The following ADCY2 variants were observed in gnomAD, a reference collection of about 807,000 sequenced individuals.
The protein encoded by ADCY2 is adenylate cyclase type 2.
In ADCY2, 31 loss-of-function variants were observed where a neutral mutation model predicts 125.2. The observed-to-expected ratio is 0.25, with a 90% CI of 0.19 to 0.33. The LOEUF (loss-of-function observed/expected upper bound fraction) is 0.33. Among genes scored for constraint, ADCY2 ranks in the 10% least tolerant of loss-of-function variants. ADCY2 has a pLI of 1.00. For missense variants in ADCY2, 904 were observed against 1,418.2 expected, an observed-to-expected ratio of 0.64 and a Z score of 5.82; for synonymous variants, 512 against 548.4, an observed-to-expected ratio of 0.93 and a Z score of 0.93.
chr5:7,520,437 A>G (rs1209873884), intron 2 of ADCY2, among the ~76,000 whole-genome samples: 1 of 152,140 alleles, frequency 6.6e-6, no homozygotes, highest in Non-Finnish European at 1.5e-5. Context: ...GCATGTTCTA[A>G]AGCAAAGATA....
At chr5:7,543,644 G>A (rs1172799789) in intron 3 of ADCY2, among the ~76,000 whole-genome samples, 1 of 152,058 alleles carries the variant, frequency 6.6e-6, no homozygotes, top group Non-Finnish European at 1.5e-5. Context: ...TAATAGAGGT[G>A]CATATCATCT....
chr5:7,425,007 A>T (rs950445119), intron 2 of ADCY2, among the ~76,000 whole-genome samples: 6 of 152,092 alleles, frequency 3.9e-5, no homozygotes, highest in Non-Finnish European at 8.8e-5. Flanking sequence ...ACAGGGTTCA[A>T]TCCAGCCACT....
chr5:7,581,602 G>A (rs1445453697), intron 3 of ADCY2, among the ~76,000 whole-genome samples: 2 of 151,906 alleles, frequency 1.3e-5, no homozygotes, highest in South Asian at 2.1e-4. Flanking sequence ...GGCAGATCAC[G>A]AGGTCAAGAG....
chr5:7,823,200 A>G (rs1745358025), intron 24 of ADCY2, among the ~76,000 whole-genome samples: 1 of 152,246 alleles, frequency 6.6e-6, no homozygotes, highest in African/African-American at 2.4e-5. Context: ...AACACTTGCT[A>G]CAAAGTAAGT....
chr5:7,426,351 C>T (rs1740387784), intron 2 of ADCY2, among the ~76,000 whole-genome samples: 1 of 152,128 alleles, frequency 6.6e-6, no homozygotes, highest in Non-Finnish European at 1.5e-5. Context: ...ATTTATTTCT[C>T]TCAATTCTGG....
At chr5:7,713,850 T>C (rs184510378) in intron 11 of ADCY2, among the ~76,000 whole-genome samples, 7 of 152,284 alleles carry the variant, frequency 4.6e-5, no homozygotes, top group Admixed American at 2.0e-4. Context: ...ATTGGAGCTA[T>C]TGATAGTTTT....
At chr5:7,442,393 T>C (rs1741045920) in intron 2 of ADCY2, among the ~76,000 whole-genome samples, 1 of 152,176 alleles carries the variant, frequency 6.6e-6, no homozygotes, top group Non-Finnish European at 1.5e-5. Context: ...CTGAATATGT[T>C]CTGTAAACTG....
chr5:7,684,484 A>G (rs985887749), intron 4 of ADCY2, among the ~76,000 whole-genome samples: 1 of 152,226 alleles, frequency 6.6e-6, no homozygotes, highest in Admixed American at 6.5e-5. Context: ...AGAAATACCA[A>G]TTTACTGTCA....
intron 20 of ADCY2, chr5:7,798,535 A>T (rs1255887791): frequency 6.6e-6 from 1 of 151,782 alleles, no homozygotes; most frequent in Non-Finnish European, 1.5e-5. Flanking sequence ...GAAGGGCACA[A>T]GCCACAGGTA....
chr5:7,630,337 T>C (rs770517911), intron 4 of ADCY2, among the ~76,000 whole-genome samples: 6 of 152,242 alleles, frequency 3.9e-5, no homozygotes, highest in Admixed American at 6.5e-5. Context: ...ATGCATTTTA[T>C]GGCTCATTTG....
chr5:7,592,192 C>A (rs1366003627), intron 3 of ADCY2, among the ~76,000 whole-genome samples: 1 of 152,028 alleles, frequency 6.6e-6, no homozygotes, highest in Non-Finnish European at 1.5e-5. Flanking sequence ...AAGAGGGTCG[C>A]CTAAATAGTT....
At chr5:7,603,082 T>C (rs925604355) in intron 3 of ADCY2, among the ~76,000 whole-genome samples, 1 of 152,114 alleles carries the variant, frequency 6.6e-6, no homozygotes, top group East Asian at 1.9e-4. Context: ...GCAGAATAAG[T>C]AGCAAAGTAG....
At chr5:7,475,634 G>A (rs745334705) in intron 2 of ADCY2, among the ~76,000 whole-genome samples, 26 of 152,052 alleles carry the variant, frequency 1.7e-4, no homozygotes, top group Non-Finnish European at 3.4e-4. Flanking sequence ...CACCCGCCTC[G>A]GCCTCCCAAA....
intron 3 of ADCY2, among the ~76,000 whole-genome samples, chr5:7,568,188 C>G (rs920434985): frequency 6.6e-6 from 1 of 152,132 alleles, no homozygotes; most frequent in African/African-American, 2.4e-5. Context: ...ACACATTTCT[C>G]CAGCAGCATT....
chr5:7,504,443 T>C (rs557266209), intron 2 of ADCY2, among the ~76,000 whole-genome samples: 3 of 152,328 alleles, frequency 2.0e-5, no homozygotes, highest in African/African-American at 7.2e-5. Flanking sequence ...CTCTAGTTAA[T>C]GTTGGACTCT....
intron 7 of ADCY2, among the ~76,000 whole-genome samples, chr5:7,703,350 G>T (rs1741152907): frequency 2.0e-5 from 3 of 152,140 alleles, no homozygotes; most frequent in Admixed American, 6.5e-5. Context: ...GGGTTTTTAT[G>T]GTTTCAGGTC....
At chr5:7,470,903 G>T (rs913293678) in intron 2 of ADCY2, among the ~76,000 whole-genome samples, 3 of 151,702 alleles carry the variant, frequency 2.0e-5, no homozygotes, top group African/African-American at 7.3e-5. Context: ...GAGTTTATTT[G>T]AAGATGATCG....
chr5:7,549,183 C>T (rs1272341710), intron 3 of ADCY2, among the ~76,000 whole-genome samples: 1 of 152,116 alleles, frequency 6.6e-6, no homozygotes, highest in African/African-American at 2.4e-5. Context: ...AACAAATGAC[C>T]CTGAGATCCC....
At chr5:7,545,638 C>T (rs1415408755) in intron 3 of ADCY2, among the ~76,000 whole-genome samples, 3 of 152,098 alleles carry the variant, frequency 2.0e-5, no homozygotes, top group Non-Finnish European at 4.4e-5. Flanking sequence ...TTTAAAGTGT[C>T]GACGATTTTG....
Sources: gnomAD v4.1 joint callset for allele counts (sites outside exome capture counted in the v4.1 genomes callset) on GRCh38, gnomAD v4.1.1 for gene constraint, MANE v1.5 for transcripts, NCBI Gene and HGNC (gene_info 2026-07-23, HGNC 2026-07-21) for gene names.